CLYBL: variants seen among roughly 807,000 people sequenced by gnomAD.
CLYBL encodes the protein citramalyl-CoA lyase, mitochondrial.
A neutral mutation model predicts 38.9 loss-of-function variants in CLYBL; 31 were observed. That is an observed-to-expected ratio of 0.80 (90% CI 0.60 to 1.08). The LOEUF (loss-of-function observed/expected upper bound fraction) is 1.08, where lower values mean the gene tolerates loss of function less well. Among genes scored for constraint, CLYBL ranks in the 50% least tolerant of loss-of-function variants. The pLI is 0.00. For missense variants in CLYBL, 434 were observed against 411.6 expected, an observed-to-expected ratio of 1.05 and a Z score of -0.47; for synonymous variants, 171 against 158.6, an observed-to-expected ratio of 1.08 and a Z score of -0.59.
intron 1 of CLYBL, among the ~76,000 whole-genome samples, chr13:99,616,370 ATGATGTTCAC>A (rs1471034900): frequency 2.0e-5 from 3 of 152,110 alleles, no homozygotes; most frequent in Non-Finnish European, 2.9e-5. Flanking sequence ...AGGAGCAGTG[ATGATGTTCAC>A]TGTTGTTCCA....
chr13:99,670,475 C>A (rs1269861737), intron 1 of CLYBL, among the ~76,000 whole-genome samples: 1 of 152,096 alleles, frequency 6.6e-6, no homozygotes, highest in Non-Finnish European at 1.5e-5. Flanking sequence ...TTTCCTGAAA[C>A]AAAACTTACC....
chr13:99,772,804 C>T lies in CLYBL; in HGVS notation c.63-20C>T. On this transcript the variant is annotated intron_variant, in intron 1 of 8. Coordinates refer to ENST00000339105, the MANE Select transcript of CLYBL (RefSeq NM_206808.5). The stretch of plus-strand genomic sequence containing the variant: ...TACAGAAATCTCATTCTGGACTAAC[C>T]CCAATCACGTGTCTTGCAGGAAAGC... The T allele has an allele frequency of 6.4e-7, 1 of 1,568,150 alleles. No homozygotes were observed.
intron 1 of CLYBL, among the ~76,000 whole-genome samples, chr13:99,648,602 G>T (rs1170388271): frequency 6.6e-6 from 1 of 152,190 alleles, no homozygotes; most frequent in African/African-American, 2.4e-5. Flanking sequence ...GCAGCCAGAT[G>T]TGCTAACAGC....
Position 99,870,929 on chromosome 13 carries a change from T to C in CLYBL, c.803-9T>C. 1.9e-6 allele frequency: 3 copies of C among 1,590,716 alleles called. No individual in the cohort carries two copies. Among genetic ancestry groups the C allele is most frequent in the Non-Finnish European group, 2.6e-6 (3 of 1,171,530 alleles). ...TTTCGTGGTTCCGATGTTATTAATATTCTTGTAGGTAAGCAGGTGATTCAC... is the reference window on the plus strand; with the variant it reads ...TTTCGTGGTTCCGATGTTATTAATACTCTTGTAGGTAAGCAGGTGATTCAC... On this transcript the variant is annotated splice_polypyrimidine_tract_variant and intron_variant, in intron 6 of 8. Transcript: ENST00000339105.
intron 1 of CLYBL, among the ~76,000 whole-genome samples, chr13:99,640,039 C>T (rs1413058522): frequency 2.0e-5 from 3 of 152,200 alleles, no homozygotes; most frequent in Non-Finnish European, 4.4e-5. Context: ...CATTTCTATT[C>T]TCTATGTAGT....
chr13:99,760,917 A>G (rs2049152447), intron 1 of CLYBL, among the ~76,000 whole-genome samples: 2 of 152,246 alleles, frequency 1.3e-5, no homozygotes, highest in South Asian at 4.1e-4. Flanking sequence ...ACAATAGATT[A>G]TTGTAAACTA....
chr13:99,806,271 C>T (rs1045564446), intron 2 of CLYBL, among the ~76,000 whole-genome samples: 1 of 152,180 alleles, frequency 6.6e-6, no homozygotes, highest in South Asian at 2.1e-4. Context: ...AACAGCAATA[C>T]TGGAGTATAC....
intron 1 of CLYBL, among the ~76,000 whole-genome samples, chr13:99,648,243 G>A (rs1467624426): frequency 6.6e-6 from 1 of 151,986 alleles, no homozygotes; most frequent in African/African-American, 2.4e-5. Flanking sequence ...TGTTGGAGAG[G>A]GCATCTCACA....
At chr13:99,727,074 A>C (rs1240675529) in intron 1 of CLYBL, among the ~76,000 whole-genome samples, 2 of 151,680 alleles carry the variant, frequency 1.3e-5, no homozygotes, top group East Asian at 3.9e-4. Context: ...CAGGTGAATC[A>C]CTTGAACCTG....
rs576376836 is a variant in CLYBL, at chr13:99,871,029, T to G, written c.894T>G (p.Ile298Met). Residue 298 changes from isoleucine (I) to methionine (M), a missense_variant, in exon 7 of 9, where the codon ATT (isoleucine) becomes ATG (methionine). By Grantham distance (10) the Ile-to-Met change is conservative. Coordinates refer to ENST00000339105, the MANE Select transcript of CLYBL (RefSeq NM_206808.5). ...PEKIKWAEEL[I>M]AAFKEHQQLG... The stretch of plus-strand genomic sequence containing the variant: ...AAATTAAGTGGGCTGAAGAACTGAT[T>G]GCTGCCTTTAAAGAACATCAACAAT... The G allele has an allele frequency of 1.2e-6, 2 of 1,614,078 alleles. No homozygotes were observed. Among genetic ancestry groups the G allele is most frequent in the Non-Finnish European group, 1.7e-6 (2 of 1,179,934 alleles).
intron 2 of CLYBL, among the ~76,000 whole-genome samples, chr13:99,819,503 T>G: frequency 7.8e-6 from 1 of 127,502 alleles, no homozygotes; most frequent in Middle Eastern, 4.5e-3. Context: ...ACAGAACCAA[T>G]AGGATATATA....
chr13:99,766,017 A>G (rs1804392861), intron 1 of CLYBL, among the ~76,000 whole-genome samples: 1 of 151,846 alleles, frequency 6.6e-6, no homozygotes, highest in South Asian at 2.1e-4. Context: ...ATGCCCTGCT[A>G]GTGTTTTTAT....
intron 2 of CLYBL, among the ~76,000 whole-genome samples, chr13:99,832,145 A>G (rs1215025163): frequency 8.5e-5 from 13 of 152,212 alleles, no homozygotes; most frequent in Admixed American, 7.2e-4. Context: ...TTAACAGCAC[A>G]TTGTGTTCTT....
At chr13:99,897,876 G>A (rs1260654800), downstream of CLYBL, among the ~76,000 whole-genome samples, 6 of 152,030 alleles carry the variant, frequency 3.9e-5, no homozygotes, top group Admixed American at 3.9e-4. Flanking sequence ...GACCCGGGAG[G>A]CAGAGGTTGC....
chr13:99,686,512 CAGAGAG>C (rs34750084), intron 1 of CLYBL, among the ~76,000 whole-genome samples: 60 of 150,064 alleles, frequency 4.0e-4, no homozygotes, highest in African/African-American at 1.0e-3. Flanking sequence ...TTTGTTTCAA[CAGAGAG>C]AGAGAGAGAG....
chr13:99,873,834 G>A (rs1048690189), intron 7 of CLYBL, among the ~76,000 whole-genome samples: 1 of 152,192 alleles, frequency 6.6e-6, no homozygotes, highest in Non-Finnish European at 1.5e-5. Context: ...ACCATGAGCA[G>A]ATAAATTATT....
chr13:99,809,750 C>A lies in CLYBL; in HGVS notation c.249+36740C>A, dbSNP rs73572529. Reference sequence around the variant, plus strand: ...AAGGCTCCCTCCCGGCCTTCACTTGCTGCTCTCCTTAGTGGCCTCAGAGTC... The same window carrying A: ...AAGGCTCCCTCCCGGCCTTCACTTGATGCTCTCCTTAGTGGCCTCAGAGTC... On this transcript the variant is annotated intron_variant, in intron 2 of 8. Transcript: ENST00000339105. Among the ~76,000 whole-genome samples the A allele has an allele frequency of 2.8e-3, 429 of 152,384 alleles. 1 individual carries two copies. The highest frequency in any genetic ancestry group is 9.7e-3 in the African/African-American group (405 of 41,600).
intron 1 of CLYBL, among the ~76,000 whole-genome samples, chr13:99,646,230 T>G (rs908701480): frequency 9.9e-5 from 15 of 152,206 alleles, no homozygotes; most frequent in Middle Eastern, 3.2e-3. Flanking sequence ...TTTTCTGTAT[T>G]CAGTAGTAAA....
chr13:99,735,487 C>A (rs1438214150), intron 1 of CLYBL, among the ~76,000 whole-genome samples: 1 of 151,844 alleles, frequency 6.6e-6, no homozygotes, highest in Non-Finnish European at 1.5e-5. Flanking sequence ...TGAGCCACCA[C>A]ACCCAGCATT....
Sources: gnomAD v4.1 joint callset for allele counts (sites outside exome capture counted in the v4.1 genomes callset) on GRCh38, gnomAD v4.1.1 for gene constraint, MANE v1.5 for transcripts, NCBI Gene and HGNC (gene_info 2026-07-23, HGNC 2026-07-21) for gene names.